Variants in PLXDC2 observed in about 807,000 individuals in gnomAD.
PLXDC2 encodes plexin domain-containing protein 2.
Under a neutral mutation model 68.9 loss-of-function variants are expected in PLXDC2, and 40 were observed. That is an observed-to-expected ratio of 0.58 (90% confidence interval 0.45 to 0.76). The LOEUF (loss-of-function observed/expected upper bound fraction) is 0.76, where lower values mean the gene tolerates loss of function less well. Ranked by LOEUF, PLXDC2 falls within the 30% of genes least tolerant of loss-of-function variation. The pLI, the probability that PLXDC2 is intolerant of heterozygous loss-of-function variation, is 0.00. For missense variants in PLXDC2, 644 were observed against 661.9 expected (o/e 0.97, Z 0.30); for synonymous variants, 243 against 234.2 (o/e 1.04, Z -0.34).
chr10:19,964,131 T>C (rs932036075), intron 1 of PLXDC2, among the ~76,000 whole-genome samples: 1 of 152,240 alleles, frequency 6.6e-6, no homozygotes, highest in Non-Finnish European at 1.5e-5. Context: ...CCCTGATTTG[T>C]AGCCTCTGCC....
At chr10:19,859,552 T>C (rs1176616574) in intron 1 of PLXDC2, among the ~76,000 whole-genome samples, 1 of 152,116 alleles carries the variant, frequency 6.6e-6, no homozygotes, top group East Asian at 1.9e-4. Context: ...ATTTCAGACA[T>C]ATTATAGGTC....
intron 1 of PLXDC2, among the ~76,000 whole-genome samples, chr10:19,881,711 G>C (rs1837730873): frequency 6.6e-6 from 1 of 152,158 alleles, no homozygotes; most frequent in African/African-American, 2.4e-5. Context: ...AATAATGACA[G>C]TACTAAATAA....
intron 4 of PLXDC2, among the ~76,000 whole-genome samples, chr10:20,123,575 G>C (rs1282163350): frequency 6.6e-6 from 1 of 152,046 alleles, no homozygotes; most frequent in African/African-American, 2.4e-5. Context: ...GAGTTGAAGA[G>C]GTTTTAAGTT....
At chr10:20,061,550 G>C (rs1242779139) in intron 3 of PLXDC2, among the ~76,000 whole-genome samples, 1 of 152,050 alleles carries the variant, frequency 6.6e-6, no homozygotes, top group Admixed American at 6.6e-5. Flanking sequence ...TCTTTTCACT[G>C]TAAAGCTACC....
intron 6 of PLXDC2, among the ~76,000 whole-genome samples, chr10:20,148,244 T>G (rs572974749): frequency 6.9e-6 from 1 of 144,682 alleles, no homozygotes; most frequent in Admixed American, 7.0e-5. Context: ...AATGTTTATA[T>G]TTACGTATTT....
intron 1 of PLXDC2, among the ~76,000 whole-genome samples, chr10:19,850,696 A>G (rs1837099815): frequency 6.6e-6 from 1 of 152,188 alleles, no homozygotes; most frequent in South Asian, 2.1e-4. Flanking sequence ...CATTTTAAAT[A>G]AAATATCCTG....
intron 4 of PLXDC2, among the ~76,000 whole-genome samples, chr10:20,143,021 C>G (rs536338975): frequency 1.3e-5 from 2 of 152,064 alleles, no homozygotes; most frequent in African/African-American, 2.4e-5. Context: ...GCCTAATAAT[C>G]TCATCCAGAT....
intron 2 of PLXDC2, among the ~76,000 whole-genome samples, chr10:20,044,207 C>CTGTCTTTCTT: frequency 1.1e-5 from 1 of 90,002 alleles, no homozygotes; most frequent in East Asian, 3.6e-4. Context: ...CTCTCTCTCT[C>CTGTCTTTCTT]TCTGTCTTTC....
At chr10:20,005,661 G>A (rs1835015048) in intron 2 of PLXDC2, among the ~76,000 whole-genome samples, 1 of 152,014 alleles carries the variant, frequency 6.6e-6, no homozygotes, top group African/African-American at 2.4e-5. Flanking sequence ...ATGAGAGCAG[G>A]AACAAGAGAG....
At chr10:20,269,873 C>G (rs903734478) in intron 13 of PLXDC2, among the ~76,000 whole-genome samples, 2 of 151,972 alleles carry the variant, frequency 1.3e-5, no homozygotes, top group Non-Finnish European at 2.9e-5. Context: ...CAATAATTAG[C>G]CAGGCATGGT....
rs370665104 is a variant in PLXDC2 at position 19,980,982 on chromosome 10, A to C, written c.113-20793A>C. ...TTTAAAGTTGTCAAGAAAAATGCCA[A>C]ATCAGTTTTACCTCTTTATTTCAAT... On this transcript the variant is annotated intron_variant, in intron 1 of 13. Coordinates refer to ENST00000377252, the MANE Select transcript of PLXDC2 (RefSeq NM_032812.9). 1.8e-4 allele frequency among the ~76,000 whole-genome samples: 27 copies of C among 152,336 alleles called. 1 individual carries two copies. The highest frequency in any genetic ancestry group is 6.3e-4 in the African/African-American group (26 of 41,592).
At chr10:19,933,684 GCA>G (rs373123226) in intron 1 of PLXDC2, among the ~76,000 whole-genome samples, 35 of 150,190 alleles carry the variant, frequency 2.3e-4, no homozygotes, top group African/African-American at 5.9e-4. Flanking sequence ...ACACACGCGT[GCA>G]CACACACACA....
chr10:19,875,556 A>G (rs1339086095), intron 1 of PLXDC2, among the ~76,000 whole-genome samples: 3 of 152,234 alleles, frequency 2.0e-5, no homozygotes, highest in African/African-American at 7.2e-5. Context: ...AAAATAAAAG[A>G]TAAGTAAGAT....
rs144780493 is a variant in PLXDC2, at chr10:20,059,829, A to G, written c.472-8341A>G. Among the ~76,000 whole-genome samples, 299 of 152,240 alleles carry G rather than the reference A, an allele frequency of 2.0e-3. 1 individual carries two copies. Among genetic ancestry groups the G allele is most frequent in the African/African-American group, 7.0e-3 (292 of 41,546 alleles). ...AGCATTATTAGTTATCCTGCCCACT[A>G]TGCTATTTTATTTTGGGATACACTA... On this transcript the variant is annotated intron_variant, in intron 3 of 13. Coordinates refer to ENST00000377252, the MANE Select transcript of PLXDC2 (RefSeq NM_032812.9).
intron 1 of PLXDC2, among the ~76,000 whole-genome samples, chr10:19,876,943 C>A (rs1000989756): frequency 2.0e-5 from 3 of 152,140 alleles, no homozygotes; most frequent in African/African-American, 7.2e-5. Context: ...CGTATCTGAT[C>A]TTCTGGTAAT....
intron 6 of PLXDC2, among the ~76,000 whole-genome samples, chr10:20,158,436 C>G (rs1834245258): frequency 7.1e-6 from 1 of 141,632 alleles, no homozygotes; most frequent in Non-Finnish European, 1.5e-5. Context: ...CACATAATGT[C>G]TTTGTTATTA....
chr10:20,064,255 C>A (rs1836156935), intron 3 of PLXDC2, among the ~76,000 whole-genome samples: 1 of 148,040 alleles, frequency 6.8e-6, no homozygotes, highest in Non-Finnish European at 1.5e-5. Context: ...GAGTCTTGCT[C>A]TGTCACCCAG....
chr10:19,948,117 A>G (rs953203435), intron 1 of PLXDC2, among the ~76,000 whole-genome samples: 1 of 152,180 alleles, frequency 6.6e-6, no homozygotes, highest in Non-Finnish European at 1.5e-5. Context: ...TAAATTCACA[A>G]CTGTCATTTC....
chr10:20,043,178 A>G (rs2131678281), intron 2 of PLXDC2: 1 of 152,278 alleles, frequency 6.6e-6, no homozygotes, highest in Non-Finnish European at 1.5e-5. Context: ...ACCTCTCTGG[A>G]ATTTAATAAT....
Sources: gnomAD v4.1 joint callset for allele counts (sites outside exome capture counted in the v4.1 genomes callset) on GRCh38, gnomAD v4.1.1 for gene constraint, MANE v1.5 for transcripts, NCBI Gene and HGNC (gene_info 2026-07-23, HGNC 2026-07-21) for gene names.